Variants in GTF2IRD2B observed in about 807,000 individuals in gnomAD.
GTF2IRD2B encodes GTF2I repeat domain containing 2B.
In GTF2IRD2B, 10 loss-of-function variants were observed where a neutral mutation model predicts 55.6. That is an observed-to-expected ratio of 0.18 (90% CI 0.11 to 0.31). The LOEUF is 0.31. Ranked by LOEUF, GTF2IRD2B falls within the 10% of genes least tolerant of loss-of-function variation. The pLI, the probability that GTF2IRD2B is intolerant of heterozygous loss-of-function variation, is 1.00. For synonymous variants in GTF2IRD2B, 107 were observed against 320.5 expected (o/e 0.33, Z 7.12); for missense variants, 206 against 802.7 (o/e 0.26, Z 8.98).
At chr7:75,142,160 TTGTTTTGTTTTG>T (rs1342293631) in intron 13 of GTF2IRD2B, among the ~76,000 whole-genome samples, 1 of 151,808 alleles carries the variant, frequency 6.6e-6, no homozygotes, top group African/African-American at 2.4e-5. Flanking sequence ...TTTTAATTTG[TTGTTTTGTTTTG>T]TGTTTTGTTT....
intron 1 of GTF2IRD2B, among the ~76,000 whole-genome samples, chr7:75,101,867 C>T (rs1807572991): frequency 1.7e-5 from 2 of 116,928 alleles, no homozygotes; most frequent in Admixed American, 1.2e-4. Flanking sequence ...GCACTCCAGC[C>T]TGGGAGACAG....
chr7:75,130,091 C>CTCTTCCTTTCTTTCTT (rs1554452780), intron 8 of GTF2IRD2B, among the ~76,000 whole-genome samples: 1 of 77,518 alleles, frequency 1.3e-5, no homozygotes, highest in Admixed American at 1.4e-4. Context: ...AATTTATTTT[C>CTCTTCCTTTCTTTCTT]TCTTTCTTTC....
At chr7:75,115,391 T>C (rs1390575968) in intron 3 of GTF2IRD2B, among the ~76,000 whole-genome samples, 1 of 151,150 alleles carries the variant, frequency 6.6e-6, no homozygotes. Flanking sequence ...ATTTCTGTTA[T>C]TCAGAGTCCC....
At chr7:75,100,468 C>T (rs1439285009) in intron 1 of GTF2IRD2B, among the ~76,000 whole-genome samples, 1 of 152,278 alleles carries the variant, frequency 6.6e-6, no homozygotes. Context: ...CGCGGGGTGC[C>T]ATGATTCTAG....
intron 6 of GTF2IRD2B, among the ~76,000 whole-genome samples, chr7:75,124,134 G>T (rs1808477971): frequency 6.6e-6 from 1 of 151,882 alleles, no homozygotes; most frequent in Non-Finnish European, 1.5e-5. Context: ...TTGGGAGGCA[G>T]AGGTGGGCAG....
chr7:75,126,786 C>A (rs1808524595), intron 8 of GTF2IRD2B, among the ~76,000 whole-genome samples: 1 of 150,408 alleles, frequency 6.6e-6, no homozygotes, highest in South Asian at 2.1e-4. Flanking sequence ...CGCCTGAGCT[C>A]AGGAGTTCAA....
Position 75,123,075 on chromosome 7 carries a change from A to C in GTF2IRD2B, c.359-61A>C, listed in dbSNP as rs186552180. Reference sequence around the variant, plus strand: ...TACAAAACAAAAAACAAAAAACAAAAAAAAAAAACTGGTAGAACGTTAGGT... The same window carrying C: ...TACAAAACAAAAAACAAAAAACAAACAAAAAAAACTGGTAGAACGTTAGGT... On this transcript the variant is annotated intron_variant, in intron 4 of 15. Coordinates refer to ENST00000472837, the MANE Select transcript of GTF2IRD2B (RefSeq NM_001003795.3). 1.5e-3 allele frequency: 2,399 copies of C among 1,565,140 alleles called. 50 individuals carry two copies. Among genetic ancestry groups the C allele is most frequent in the African/African-American group, 6.6e-3 (456 of 69,098 alleles).
At chr7:75,097,561 A>C (rs1453837209) in intron 1 of GTF2IRD2B, among the ~76,000 whole-genome samples, 1 of 133,696 alleles carries the variant, frequency 7.5e-6, no homozygotes, top group Non-Finnish European at 1.6e-5. Context: ...TGACATTCCA[A>C]ATGATGAAAG....
intron 2 of GTF2IRD2B, among the ~76,000 whole-genome samples, chr7:75,112,085 TACACACACAC>T (rs782659655): frequency 8.3e-5 from 2 of 24,014 alleles, no homozygotes; most frequent in African/African-American, 1.7e-4. Context: ...CTACTAAAAA[TACACACACAC>T]ACACACACAC....
At chr7:75,102,975 A>G (rs1320510581) in intron 1 of GTF2IRD2B, among the ~76,000 whole-genome samples, 6 of 149,936 alleles carry the variant, frequency 4.0e-5, no homozygotes, top group African/African-American at 1.2e-4. Context: ...AAAAAACAAT[A>G]CATACATATA....
At chr7:75,117,517 C>T (rs1808202346) in intron 3 of GTF2IRD2B, among the ~76,000 whole-genome samples, 1 of 152,302 alleles carries the variant, frequency 6.6e-6, no homozygotes, top group African/African-American at 2.4e-5. Flanking sequence ...TTTAGTGACA[C>T]CCCCACCACA....
At chr7:75,120,787 T>G (rs1466776974) in intron 3 of GTF2IRD2B, 104 bp from the exon 4 acceptor site, 1 of 1,557,096 alleles carries the variant, frequency 6.4e-7, no homozygotes, top group East Asian at 2.3e-5. Flanking sequence ...TGTTTTATAT[T>G]TATTCACTTT....
intron 1 of GTF2IRD2B, 139 bp downstream of exon 1, chr7:75,092,904 G>A (rs1490879575): frequency 2.6e-5 from 4 of 151,808 alleles, no homozygotes; most frequent in African/African-American, 9.7e-5. Context: ...GGGACACCCC[G>A]GCGCCCCGAG....
chr7:75,130,602 T>G (rs62476619), intron 8 of GTF2IRD2B, among the ~76,000 whole-genome samples: 1 of 141,548 alleles, frequency 7.1e-6, no homozygotes, highest in Non-Finnish European at 1.6e-5. Context: ...TTCAGCCTTC[T>G]GAGTAGCTGG....
intron 1 of GTF2IRD2B, among the ~76,000 whole-genome samples, chr7:75,104,881 A>C (rs1259271212): frequency 2.0e-5 from 3 of 152,300 alleles, no homozygotes; most frequent in Admixed American, 6.5e-5. Context: ...CTCTGTTGCC[A>C]GAACAGAGTC....
At position 75,112,742 on chromosome 7, in the gene GTF2IRD2B, C is replaced by T. The variant is rs1396469048; in HGVS notation, c.238+207C>T. ...ATTTTATTTTATACTAGGTCCTCAG[C>T]GGTACTCTGGTTTATTAGAATAAAT... On this transcript the variant is annotated intron_variant, in intron 3 of 15. Coordinates refer to ENST00000472837, the MANE Select transcript of GTF2IRD2B (RefSeq NM_001003795.3). The T allele has an allele frequency of 3.1e-5, 21 of 678,362 alleles. 1 individual carries two copies. The highest frequency in any genetic ancestry group is 8.5e-5 in the Admixed American group (3 of 35,110). The allele number at this position is 678,362 out of a possible 1,614,324, so 42.0% of individuals were successfully genotyped here. A position where few individuals can be genotyped will look rare whatever the true frequency, so the allele number is the denominator to read the frequency against.
chr7:75,121,247 G>C (rs1456913199), intron 4 of GTF2IRD2B, among the ~76,000 whole-genome samples: 6 of 151,382 alleles, frequency 4.0e-5, no homozygotes, highest in African/African-American at 1.4e-4. Flanking sequence ...ATGTTGGCCA[G>C]GCTGGTCTCA....
At chr7:75,119,260 T>C (rs1475155831) in intron 3 of GTF2IRD2B, among the ~76,000 whole-genome samples, 7 of 69,356 alleles carry the variant, frequency 1.0e-4, no homozygotes, top group African/African-American at 4.0e-4. Context: ...TGCAGCAACA[T>C]GGATGGGATT....
intron 3 of GTF2IRD2B, among the ~76,000 whole-genome samples, chr7:75,113,890 G>GT (rs1808053906): frequency 6.7e-6 from 1 of 149,040 alleles, no homozygotes; most frequent in Non-Finnish European, 1.5e-5. Context: ...GTGTCTGTGT[G>GT]TGTATAAGTA....
Sources: gnomAD v4.1 joint callset for allele counts (sites outside exome capture counted in the v4.1 genomes callset) on GRCh38, gnomAD v4.1.1 for gene constraint, MANE v1.5 for transcripts, NCBI Gene and HGNC (gene_info 2026-07-23, HGNC 2026-07-21) for gene names.